Variants in OTOGL observed in about 807,000 individuals in gnomAD.
The protein encoded by OTOGL is otogelin-like protein.
A neutral mutation model predicts 318.5 loss-of-function variants in OTOGL; 285 were observed. That is an observed-to-expected ratio of 0.89 (90% CI 0.81 to 0.99). The LOEUF is 0.99. Among genes scored for constraint, OTOGL ranks in the 50% least tolerant of loss-of-function variants. OTOGL has a pLI of 0.00. For missense variants in OTOGL, 2,899 were observed against 2,845.6 expected (o/e 1.02, Z -0.43); for synonymous variants, 987 against 936.5 (o/e 1.05, Z -0.99).
intron 1 of OTOGL, among the ~76,000 whole-genome samples, chr12:80,126,153 TC>T (rs1363018348): frequency 2.0e-5 from 3 of 152,226 alleles, no homozygotes; most frequent in Non-Finnish European, 4.4e-5. Flanking sequence ...TTTAGATCTT[TC>T]CTGCTTTCTC....
intron 16 of OTOGL, among the ~76,000 whole-genome samples, chr12:80,256,059 G>A (rs1008889733): frequency 2.0e-5 from 3 of 151,846 alleles, no homozygotes; most frequent in Non-Finnish European, 4.4e-5. Context: ...TAAGTAAAAT[G>A]TATGTATACA....
At chr12:80,305,167 A>T (rs1427747216) in intron 28 of OTOGL, among the ~76,000 whole-genome samples, 1 of 152,176 alleles carries the variant, frequency 6.6e-6, no homozygotes, top group Non-Finnish European at 1.5e-5. Flanking sequence ...TCTAACAAGG[A>T]TGGGAATATA....
intron 26 of OTOGL, among the ~76,000 whole-genome samples, chr12:80,282,962 A>G (rs1884344708): frequency 6.6e-6 from 1 of 151,948 alleles, no homozygotes. Context: ...CTTGCTCATC[A>G]TTGTTTCACA....
intron 1 of OTOGL, among the ~76,000 whole-genome samples, chr12:80,114,778 C>T (rs554553355): frequency 2.0e-5 from 3 of 152,120 alleles, no homozygotes; most frequent in African/African-American, 4.8e-5. Flanking sequence ...GGTCTTTTCA[C>T]GTAGTCCCAT....
chr12:80,140,841 G>T (rs1035827750), intron 1 of OTOGL, among the ~76,000 whole-genome samples: 17 of 152,070 alleles, frequency 1.1e-4, no homozygotes, highest in Admixed American at 1.3e-4. Context: ...AGAAGAACTG[G>T]TATCTTTGTA....
chr12:80,156,370 C>T (rs960270576), intron 1 of OTOGL, among the ~76,000 whole-genome samples: 43 of 152,194 alleles, frequency 2.8e-4, no homozygotes, highest in African/African-American at 9.9e-4. Flanking sequence ...GGGACCTCAC[C>T]TTGTGGTCAC....
chr12:80,270,468 G>A (rs1454914804), intron 23 of OTOGL, among the ~76,000 whole-genome samples: 3 of 152,270 alleles, frequency 2.0e-5, no homozygotes, highest in South Asian at 2.1e-4. Context: ...ATCTAGGCAA[G>A]TGTTGTAACC....
chr12:80,146,138 T>C (rs1454525474), intron 1 of OTOGL, among the ~76,000 whole-genome samples: 1 of 149,696 alleles, frequency 6.7e-6, no homozygotes, highest in Non-Finnish European at 1.5e-5. Context: ...CTTGTGCCAG[T>C]TTTCAAAGGG....
chr12:80,296,536 G>A (rs1214844071), intron 26 of OTOGL, among the ~76,000 whole-genome samples: 1 of 152,036 alleles, frequency 6.6e-6, no homozygotes, highest in East Asian at 1.9e-4. Flanking sequence ...ATTATTTATT[G>A]ATAAATAAAA....
At chr12:80,181,046 G>A (rs1054641587) in intron 1 of OTOGL, among the ~76,000 whole-genome samples, 3 of 152,104 alleles carry the variant, frequency 2.0e-5, no homozygotes, top group African/African-American at 7.2e-5. Flanking sequence ...GGGCAAAGAG[G>A]TTATCTTGTT....
intron 29 of OTOGL, among the ~76,000 whole-genome samples, chr12:80,307,015 G>C (rs1482602692): frequency 1.3e-5 from 2 of 148,370 alleles, no homozygotes; most frequent in Non-Finnish European, 2.9e-5. Flanking sequence ...GACTCTTAAC[G>C]AGCATGCTGC....
At chr12:80,344,490 C>T (rs138335033) in intron 44 of OTOGL, among the ~76,000 whole-genome samples, 1,731 of 152,130 alleles carry the variant, frequency 0.011, 33 homozygotes, top group African/African-American at 0.039. Context: ...TGCAGTGAGC[C>T]GAGATCGCGC....
At chr12:80,116,642 T>C (rs1403393274) in intron 1 of OTOGL, among the ~76,000 whole-genome samples, 4 of 152,096 alleles carry the variant, frequency 2.6e-5, no homozygotes, top group African/African-American at 4.8e-5. Context: ...TTAGATGAAA[T>C]TTTTTATTAG....
Position 80,336,107 on chromosome 12 carries a change from A to AGT in OTOGL, c.4569_4570dup (p.Asp1524ValfsTer20), listed in dbSNP as rs1384917069. The AGT allele has an allele frequency of 6.3e-7, 1 of 1,598,456 alleles. No individual in the cohort carries two copies. Among genetic ancestry groups the AGT allele is most frequent in the Non-Finnish European group, 8.5e-7 (1 of 1,179,354 alleles). On this transcript the variant is annotated frameshift_variant, in exon 39 of 59. Coordinates refer to ENST00000547103, the MANE Select transcript of OTOGL (RefSeq NM_001378609.3). LOFTEE classifies it high-confidence loss of function. ...CCGAGGAAGGCCAGTTCAAGTGAAC[A>AGT]GTGATATCTGCTGCCCTGAGTGGGA...
chr12:80,169,421 C>T (rs971557622), intron 1 of OTOGL, among the ~76,000 whole-genome samples: 3 of 152,158 alleles, frequency 2.0e-5, no homozygotes, highest in Non-Finnish European at 2.9e-5. Context: ...TTGATTGTGT[C>T]ACATCCTGCT....
chr12:80,265,469 T>A (rs1882881912), intron 20 of OTOGL: 4 of 467,074 alleles, frequency 8.6e-6, no homozygotes, highest in Non-Finnish European at 1.5e-5. Context: ...GCAACAGAAA[T>A]AATTTAAAAC....
chr12:80,265,042 T>G lies in OTOGL; in HGVS notation c.2056T>G (p.Phe686Val). The change falls in exon 20 of 59, where the codon TTT becomes GTT. Residue 686 changes from phenylalanine to valine, a missense_variant. Phe to Val is a conservative substitution (Grantham distance 50, BLOSUM62 -1). This residue lies in a region of OTOGL where 2,607 missense variants were observed against 2,524.9 expected (regional missense o/e 1.03). Coordinates refer to ENST00000547103, the MANE Select transcript of OTOGL (RefSeq NM_001378609.3). ...CTGTGATGTCATCCACCAGGAGCTC[T>G]TTGCTCCTTGCCACATCTATATTAG... ...AHCDVIHQEL[F>V]APCHIYISPG... The G allele has an allele frequency of 6.2e-7, 1 of 1,613,948 alleles. No individual in the cohort carries two copies. The highest frequency in any genetic ancestry group is 8.5e-7 in the Non-Finnish European group (1 of 1,179,862).
At chr12:80,186,245 A>G (rs965231210) in intron 1 of OTOGL, among the ~76,000 whole-genome samples, 1 of 152,188 alleles carries the variant, frequency 6.6e-6, no homozygotes, top group Non-Finnish European at 1.5e-5. Flanking sequence ...CCATATGCCC[A>G]GGTCTGAGAT....
chr12:80,209,262 C>T (rs193144180), intron 1 of OTOGL, among the ~76,000 whole-genome samples, 151 bp from the exon 2 acceptor site: 11 of 152,224 alleles, frequency 7.2e-5, no homozygotes, highest in Admixed American at 7.2e-4. Context: ...AGTTCTAAAG[C>T]TTCAGATGCT....
Sources: gnomAD v4.1 joint callset for allele counts (sites outside exome capture counted in the v4.1 genomes callset) on GRCh38, gnomAD v4.1.1 for gene constraint, gnomAD v4.1.1 regional missense constraint, MANE v1.5 for transcripts, NCBI Gene and HGNC (gene_info 2026-07-23, HGNC 2026-07-21) for gene names.